Variants in PRKN observed in about 807,000 individuals in gnomAD.
PRKN encodes the protein E3 ubiquitin-protein ligase parkin.
In PRKN, 56 loss-of-function variants were observed where a neutral mutation model predicts 59.5. That is an observed-to-expected ratio of 0.94 (90% CI 0.76 to 1.18). The LOEUF (loss-of-function observed/expected upper bound fraction) is 1.18, where lower values mean the gene tolerates loss of function less well. Among genes scored for constraint, PRKN ranks in the 50% most tolerant of loss-of-function variants. The pLI is 0.00. For synonymous variants in PRKN, 250 were observed against 222.1 expected (o/e 1.13, Z -1.12); for missense variants, 657 against 596.4 (o/e 1.10, Z -1.06).
At chr6:161,929,816 C>T (rs376603374) in intron 6 of PRKN, among the ~76,000 whole-genome samples, 29 of 152,004 alleles carry the variant, frequency 1.9e-4, no homozygotes, top group African/African-American at 6.8e-4. Context: ...CCTGGTCTCA[C>T]GTCAATTTTT....
intron 7 of PRKN, among the ~76,000 whole-genome samples, chr6:161,726,668 G>A (rs944866248): frequency 3.3e-5 from 5 of 151,996 alleles, no homozygotes; most frequent in African/African-American, 1.2e-4. Flanking sequence ...TGCCAAAACT[G>A]AAAAACCATG....
At chr6:161,862,953 T>A (rs1451827120) in intron 6 of PRKN, among the ~76,000 whole-genome samples, 1 of 152,158 alleles carries the variant, frequency 6.6e-6, no homozygotes, top group African/African-American at 2.4e-5. Flanking sequence ...TGTCAGACAA[T>A]CAGATCTTCT....
chr6:162,262,429 A>G (rs1223099993), intron 3 of PRKN, 96 bp downstream of exon 3: 13 of 1,476,940 alleles, frequency 8.8e-6, no homozygotes, highest in Non-Finnish European at 1.2e-5. Flanking sequence ...AAAACGTATC[A>G]TAAACTAAAT....
At position 161,592,297 on chromosome 6, in the gene PRKN, A is replaced by G. The variant is rs1403605408; in HGVS notation, c.872-22881T>C. On this transcript the variant is annotated intron_variant, in intron 7 of 11. Transcript: ENST00000366898. The surrounding 1 kb of genome is among the most constrained non-coding windows in gnomAD (Gnocchi z 4.8). ...GAATGTAGGATTTTGGATATGCAGA[A>G]ACGAATTTCTACCTTAAAGACTGAG... Among the ~76,000 whole-genome samples, 9 of 152,198 alleles carry G rather than the reference A, an allele frequency of 5.9e-5. No homozygotes were observed. Among genetic ancestry groups the G allele is most frequent in the African/African-American group, 2.2e-4 (9 of 41,444 alleles).
At chr6:162,216,187 T>C (rs990843198) in intron 3 of PRKN, among the ~76,000 whole-genome samples, 3 of 152,094 alleles carry the variant, frequency 2.0e-5, no homozygotes, top group African/African-American at 7.2e-5. Flanking sequence ...TAACTAGATT[T>C]TCCAAACTAA....
chr6:162,393,508 T>C (rs1346301045), intron 2 of PRKN, among the ~76,000 whole-genome samples: 1 of 152,086 alleles, frequency 6.6e-6, no homozygotes, highest in Non-Finnish European at 1.5e-5. Flanking sequence ...AGGCTTCATA[T>C]TGAAATTGTA....
rs1327585742 is a variant in PRKN, at chr6:161,448,883, A to G, written c.1084-62006T>C. Among the ~76,000 whole-genome samples, 1 of 152,208 alleles carries G rather than the reference A, an allele frequency of 6.6e-6. No homozygotes were observed. Among genetic ancestry groups the G allele is most frequent in the Non-Finnish European group, 1.5e-5 (1 of 68,036 alleles). ...ATTTTAAAATAAAAGCGTTCAAGGT[A>G]GAGGATGACTTTGGGACTCTGGCAA... On this transcript the variant is annotated intron_variant, in intron 9 of 11. Transcript: ENST00000366898. The surrounding 1 kb of genome is among the most constrained non-coding windows in gnomAD (Gnocchi z 5.1).
intron 6 of PRKN, among the ~76,000 whole-genome samples, chr6:161,933,318 T>A (rs1779235502): frequency 6.6e-6 from 1 of 152,080 alleles, no homozygotes. Context: ...ATAAAATATA[T>A]ATTTATTAAT....
At chr6:161,727,798 C>T (rs1424017698) in intron 7 of PRKN, among the ~76,000 whole-genome samples, 2 of 152,166 alleles carry the variant, frequency 1.3e-5, no homozygotes, top group African/African-American at 4.8e-5. Flanking sequence ...ATGCAACTTA[C>T]AAAAAGGTTT....
At chr6:161,881,436 T>C (rs546570122) in intron 6 of PRKN, among the ~76,000 whole-genome samples, 1 of 152,182 alleles carries the variant, frequency 6.6e-6, no homozygotes, top group African/African-American at 2.4e-5. Flanking sequence ...GTGTGTTTCC[T>C]GAGTGGGGCT....
intron 4 of PRKN, among the ~76,000 whole-genome samples, chr6:162,097,227 G>GA (rs1336005220): frequency 6.6e-6 from 1 of 151,910 alleles, no homozygotes; most frequent in African/African-American, 2.4e-5. Context: ...TTTTTTTTAG[G>GA]AAAAAAGTTA....
intron 1 of PRKN, among the ~76,000 whole-genome samples, chr6:162,473,725 T>C (rs1308021107): frequency 6.6e-6 from 1 of 152,198 alleles, no homozygotes; most frequent in Non-Finnish European, 1.5e-5. Flanking sequence ...CAGTTGGGAC[T>C]GTCCATATGT....
At chr6:162,159,600 A>T (rs139771770) in intron 4 of PRKN, among the ~76,000 whole-genome samples, 40 of 152,374 alleles carry the variant, frequency 2.6e-4, no homozygotes, top group Non-Finnish European at 5.3e-4. Flanking sequence ...GAAATTGACA[A>T]GAAAGTTCTA....
At chr6:162,642,294 T>C (rs542261097) in intron 1 of PRKN, among the ~76,000 whole-genome samples, 1 of 152,324 alleles carries the variant, frequency 6.6e-6, no homozygotes, top group South Asian at 2.1e-4. Context: ...TGAACACGTT[T>C]AATGATATGA....
Position 161,547,772 on chromosome 6 carries a change from G to A in PRKN, c.1083+1082C>T, listed in dbSNP as rs1160314051. On this transcript the variant is annotated intron_variant, in intron 9 of 11. Transcript: ENST00000366898. This position sits in a 1 kb window ranked among gnomAD's most constrained non-coding sequence, Gnocchi z 4.0. ...GTGTCCTGATTTCCATCGTCTCCAGGGAGAGTAAACACTTGAGTTTTCATT... is the reference window on the plus strand; with the variant it reads ...GTGTCCTGATTTCCATCGTCTCCAGAGAGAGTAAACACTTGAGTTTTCATT... Among the ~76,000 whole-genome samples the A allele has an allele frequency of 6.6e-6, 1 of 152,124 alleles. No homozygotes were observed. The highest frequency in any genetic ancestry group is 1.5e-5 in the Non-Finnish European group (1 of 68,018).
At chr6:161,931,023 T>C (rs1276831906) in intron 6 of PRKN, among the ~76,000 whole-genome samples, 1 of 152,222 alleles carries the variant, frequency 6.6e-6, no homozygotes, top group African/African-American at 2.4e-5. Context: ...GAAGATAATA[T>C]ACATGTGTTA....
intron 1 of PRKN, among the ~76,000 whole-genome samples, chr6:162,725,357 C>T (rs1346391023): frequency 6.6e-6 from 1 of 152,206 alleles, no homozygotes; most frequent in Non-Finnish European, 1.5e-5. Flanking sequence ...CACAAAAACA[C>T]AAAACCCATC....
chr6:162,633,094 C>T (rs968804873), intron 1 of PRKN, among the ~76,000 whole-genome samples: 1 of 151,690 alleles, frequency 6.6e-6, no homozygotes, highest in African/African-American at 2.4e-5. Context: ...CATTGCTATT[C>T]CTTACAACCT....
At chr6:162,123,526 T>A (rs1781005383) in intron 4 of PRKN, among the ~76,000 whole-genome samples, 1 of 152,232 alleles carries the variant, frequency 6.6e-6, no homozygotes, top group Non-Finnish European at 1.5e-5. Flanking sequence ...GTTAACTTTA[T>A]CATTTAAGTT....
Sources: allele counts gnomAD v4.1 joint callset (sites outside exome capture counted in the v4.1 genomes callset), GRCh38; gene constraint gnomAD v4.1.1; non-coding constraint Gnocchi (gnomAD v3.1); transcripts MANE v1.5; gene names NCBI Gene and HGNC (gene_info 2026-07-23, HGNC 2026-07-21).